The following PTBP2 variants were observed in gnomAD, a reference collection of about 807,000 sequenced individuals.
PTBP2 encodes the protein polypyrimidine tract binding protein 2.
PTBP2 carries 13 observed loss-of-function variants against 61.4 expected under a neutral mutation model. That is an observed-to-expected ratio of 0.21 (90% CI 0.14 to 0.34). The LOEUF (loss-of-function observed/expected upper bound fraction) is 0.34, where lower values mean the gene tolerates loss of function less well. Among genes scored for constraint, PTBP2 ranks in the 10% least tolerant of loss-of-function variants. The pLI is 1.00. For synonymous variants in PTBP2, 215 were observed against 218.5 expected (o/e 0.98, Z 0.14); for missense variants, 405 against 642.6 (o/e 0.63, Z 4.00).
rs77479495 is a variant in PTBP2 at position 96,806,519 on chromosome 1, G to A, written c.1078+67G>A. On this transcript the variant is annotated intron_variant, in intron 10 of 13. Coordinates refer to ENST00000674951, the MANE Select transcript of PTBP2 (RefSeq NM_021190.4). The stretch of plus-strand genomic sequence containing the variant: ...TTTTGTTTCACCTTAATTCTTATTT[G>A]TAGCTAGCACTTTGGCTTAAAGTTG... 1,073 of 1,496,132 alleles carry A rather than the reference G, an allele frequency of 7.2e-4. 14 individuals are homozygous for A. The African/African-American group carries it at 0.013, about 18-fold the overall frequency. The allele number at this position is 1,496,132 out of a possible 1,614,324, so 92.7% of individuals were successfully genotyped here. A position where few individuals can be genotyped will look rare whatever the true frequency, so the allele number is the denominator to read the frequency against.
intron 8 of PTBP2, 94 bp downstream of exon 8, chr1:96,785,348 C>G: frequency 1.0e-6 from 1 of 998,578 alleles, no homozygotes; most frequent in South Asian, 2.1e-5. Flanking sequence ...TGGACCTTAC[C>G]AAATTGTGTT....
intron 8 of PTBP2, among the ~76,000 whole-genome samples, chr1:96,792,267 T>C (rs1485637372): frequency 1.3e-5 from 2 of 152,232 alleles, no homozygotes; most frequent in East Asian, 3.8e-4. Flanking sequence ...CATTTTTGTG[T>C]TCTGTGTCAG....
chr1:96,749,215 A>G (rs1654227873), intron 2 of PTBP2, among the ~76,000 whole-genome samples: 4 of 152,118 alleles, frequency 2.6e-5, no homozygotes, highest in African/African-American at 9.7e-5. Context: ...TTTCTACTTG[A>G]GTAGACCCAA....
intron 3 of PTBP2, among the ~76,000 whole-genome samples, chr1:96,762,652 C>A (rs113737801): frequency 6.9e-6 from 1 of 144,614 alleles, no homozygotes; most frequent in Non-Finnish European, 1.5e-5. Flanking sequence ...CCGGAAGGGG[C>A]GGCTGGCCGG....
intron 9 of PTBP2, among the ~76,000 whole-genome samples, chr1:96,805,900 G>A (rs949790845): frequency 6.6e-6 from 1 of 152,222 alleles, no homozygotes; most frequent in African/African-American, 2.4e-5. Context: ...ATGAAATGCT[G>A]TAATTTACTC....
At chr1:96,732,424 A>AT (rs1360837665) in intron 2 of PTBP2, among the ~76,000 whole-genome samples, 1 of 152,192 alleles carries the variant, frequency 6.6e-6, no homozygotes, top group Non-Finnish European at 1.5e-5. Flanking sequence ...TTAGAAATTG[A>AT]TGTATTGGCT....
chr1:96,769,685 T>G lies in PTBP2; in HGVS notation c.116-18T>G, dbSNP rs1319111510. 1 of 1,522,512 alleles carries G rather than the reference T, an allele frequency of 6.6e-7. No homozygotes were observed. Among genetic ancestry groups the G allele is most frequent in the Non-Finnish European group, 8.8e-7 (1 of 1,132,938 alleles). The allele number at this position is 1,522,512 out of a possible 1,614,324, so 94.3% of individuals were successfully genotyped here. On this transcript the variant is annotated intron_variant, in intron 3 of 13. Coordinates refer to ENST00000674951, the MANE Select transcript of PTBP2 (RefSeq NM_021190.4). The stretch of plus-strand genomic sequence containing the variant: ...TTTTATTGTTGATATATAAGGACTG[T>G]TTTTTAATGTCTTTCAGCCAATGGT...
intron 11 of PTBP2, among the ~76,000 whole-genome samples, chr1:96,807,510 T>A (rs775610053): frequency 2.6e-5 from 4 of 152,218 alleles, no homozygotes; most frequent in Non-Finnish European, 4.4e-5. Flanking sequence ...ACTTCATACA[T>A]CCTCGAATAC....
intron 3 of PTBP2, among the ~76,000 whole-genome samples, chr1:96,762,581 C>T (rs2100974369): frequency 6.8e-6 from 1 of 147,000 alleles, no homozygotes; most frequent in South Asian, 2.2e-4. Flanking sequence ...GGGCGGCTGG[C>T]CGGGCAGAGG....
intron 2 of PTBP2, among the ~76,000 whole-genome samples, chr1:96,744,586 A>G (rs922382829): frequency 1.3e-5 from 2 of 152,204 alleles, no homozygotes; most frequent in Non-Finnish European, 2.9e-5. Context: ...ATTTGTGGGA[A>G]GTGTCATTTA....
chr1:96,793,104 A>G (rs183380561), intron 8 of PTBP2, among the ~76,000 whole-genome samples: 2 of 152,338 alleles, frequency 1.3e-5, no homozygotes, highest in East Asian at 1.9e-4. Flanking sequence ...AGGTCACATG[A>G]TAATACCTGT....
chr1:96,739,787 G>GTA (rs1187176395), intron 2 of PTBP2, among the ~76,000 whole-genome samples: 54 of 150,122 alleles, frequency 3.6e-4, no homozygotes, highest in African/African-American at 6.1e-4. Context: ...CTAATTTTTT[G>GTA]TATATATATA....
intron 8 of PTBP2, among the ~76,000 whole-genome samples, chr1:96,786,007 A>G (rs1181559623): frequency 6.6e-6 from 1 of 152,116 alleles, no homozygotes; most frequent in Non-Finnish European, 1.5e-5. Context: ...GTTTCCTTTT[A>G]TTTGATGTAT....
intron 3 of PTBP2, among the ~76,000 whole-genome samples, chr1:96,752,655 G>C (rs993998567): frequency 1.3e-5 from 2 of 151,924 alleles, no homozygotes; most frequent in Admixed American, 6.6e-5. Context: ...CTGGTTTGTC[G>C]GTTTCTCTTT....
intron 2 of PTBP2, among the ~76,000 whole-genome samples, chr1:96,748,377 G>T (rs1255739470): frequency 6.6e-6 from 1 of 152,102 alleles, no homozygotes; most frequent in African/African-American, 2.4e-5. Context: ...TAAAAAACAA[G>T]AAATTTGTAA....
At chr1:96,778,382 A>G (rs1394810920) in intron 7 of PTBP2, among the ~76,000 whole-genome samples, 3 of 106,368 alleles carry the variant, frequency 2.8e-5, no homozygotes, top group African/African-American at 7.9e-5. Flanking sequence ...ATTCTCTTTA[A>G]TGTCTTTTTT....
intron 5 of PTBP2, among the ~76,000 whole-genome samples, chr1:96,773,416 T>C (rs541074388): frequency 1.3e-5 from 2 of 152,310 alleles, no homozygotes; most frequent in East Asian, 1.9e-4. Context: ...AACAGTACTT[T>C]GAGGATACTA....
At chr1:96,732,380 G>T (rs1383080978) in intron 2 of PTBP2, among the ~76,000 whole-genome samples, 6 of 152,108 alleles carry the variant, frequency 3.9e-5, no homozygotes, top group African/African-American at 1.2e-4. Context: ...TCAATTAACA[G>T]ATATTTTGAT....
At chr1:96,781,080 C>G (rs917787042) in intron 7 of PTBP2, among the ~76,000 whole-genome samples, 1 of 152,022 alleles carries the variant, frequency 6.6e-6, no homozygotes, top group Admixed American at 6.6e-5. Context: ...CAGCATACTT[C>G]TAGCAACAGT....
Sources: gnomAD v4.1 joint callset for allele counts (sites outside exome capture counted in the v4.1 genomes callset) on GRCh38, gnomAD v4.1.1 for gene constraint, MANE v1.5 for transcripts, NCBI Gene and HGNC (gene_info 2026-07-23, HGNC 2026-07-21) for gene names.